ANKRD37: variants seen among roughly 807,000 people sequenced by gnomAD.
The protein encoded by ANKRD37 is ankyrin repeat domain-containing protein 37.
ANKRD37 carries 17 observed loss-of-function variants against 19.7 expected under a neutral mutation model. The ratio of observed to expected loss-of-function variants is 0.86; its 90% CI spans 0.59 to 1.29. The LOEUF (loss-of-function observed/expected upper bound fraction) is 1.29. ANKRD37 is among the 50% of genes most tolerant of loss of function. ANKRD37 has a pLI of 0.00. For synonymous variants in ANKRD37, 79 were observed against 74.5 expected (o/e 1.06, Z -0.31); for missense variants, 207 against 190.4 (o/e 1.09, Z -0.51).
chr4:185,399,966 A>G, intron 4 of ANKRD37, 51 bp from the exon 5 acceptor site: 1 of 1,589,776 alleles, frequency 6.3e-7, no homozygotes, highest in African/African-American at 1.4e-5. Flanking sequence ...GTTTGGGGAT[A>G]AAACTCTTTT....
At position 185,399,054 on chromosome 4, in the gene ANKRD37, A is replaced by AT. The variant is rs542136606; in HGVS notation, c.272+30dup. 260 of 1,594,970 alleles carry AT rather than the reference A, an allele frequency of 1.6e-4. No individual in the cohort carries two copies. The African/African-American group carries it at 3.1e-3, about 19-fold the overall frequency. ...GTGAGTATGAAAACAGTGGCTTCAC[A>AT]TTTTATGTTTTCTTGGATTAAACTA... On this transcript the variant is annotated intron_variant, in intron 3 of 4. Coordinates refer to ENST00000335174, the MANE Select transcript of ANKRD37 (RefSeq NM_181726.4).
In ANKRD37 at chr4:185,397,237, G is replaced by A; in HGVS notation, c.115G>A (p.Ala39Thr). 6.2e-7 allele frequency: 1 copy of A among 1,614,118 alleles called. No individual in the cohort carries two copies. The highest frequency in any genetic ancestry group is 8.5e-7 in the Non-Finnish European group (1 of 1,180,028). Reference protein sequence around the residue: ...PCKQSPVHLAAGSGLACFLLW... With the variant: ...PCKQSPVHLATGSGLACFLLW... Reference sequence around the variant, plus strand: ...CAAGCAGTCGCCTGTCCACTTAGCCGCAGGAAGCGGCCTTGCTTGCTTTCT... The same window carrying A: ...CAAGCAGTCGCCTGTCCACTTAGCCACAGGAAGCGGCCTTGCTTGCTTTCT... The change falls in exon 2 of 5, where the codon GCA becomes ACA. Residue 39 changes from alanine to threonine, a missense_variant. Transcript: ENST00000335174.
chr4:185,396,972 C>T (rs562203200), intron 1 of ANKRD37, 22 bp downstream of exon 1: 5 of 1,613,238 alleles, frequency 3.1e-6, no homozygotes, highest in African/African-American at 2.7e-5. Context: ...GCTCACAGAG[C>T]CCGAGCTTTT....
chr4:185,397,148 A>G lies in ANKRD37; in HGVS notation c.28-2A>G. On this transcript the variant is annotated splice_acceptor_variant, in intron 1 of 4. Transcript: ENST00000335174. LOFTEE classifies it high-confidence loss of function. Reference sequence around the variant, plus strand: ...GGTGCTGGATCTGTTCTCTTCCTGCAGGTGGATGGTCTGAAGCATTTGCTG... The same window carrying G: ...GGTGCTGGATCTGTTCTCTTCCTGCGGGTGGATGGTCTGAAGCATTTGCTG... 6.2e-7 allele frequency: 1 copy of G among 1,613,306 alleles called. No individual in the cohort carries two copies. Among genetic ancestry groups the G allele is most frequent in the Non-Finnish European group, 8.5e-7 (1 of 1,179,956 alleles).
In ANKRD37 at chr4:185,396,963, CTCACAGAGCCCGAGCTTT is replaced by C. The variant is rs2095505099; in HGVS notation, c.27+15_27+32del. On this transcript the variant is annotated intron_variant, in intron 1 of 4. Coordinates refer to ENST00000335174, the MANE Select transcript of ANKRD37 (RefSeq NM_181726.4). The stretch of plus-strand genomic sequence containing the variant: ...TTGCAACCCCGAGGTGAGATTCGGG[CTCACAGAGCCCGAGCTTT>C]TGTCCTGCAGGCTCAAGCTTCTAGA... 1.2e-6 allele frequency: 2 copies of C among 1,613,400 alleles called. No individual in the cohort carries two copies. The highest frequency in any genetic ancestry group is 4.5e-5 in the East Asian group (2 of 44,890).
intron 3 of ANKRD37, 106 bp downstream of exon 3, chr4:185,399,134 T>C: frequency 1.1e-6 from 1 of 951,334 alleles, no homozygotes. Context: ...CTTGCGTAAT[T>C]GATAATTTAG....
In ANKRD37 at chr4:185,399,608, C is replaced by G; in HGVS notation, c.311C>G (p.Ala104Gly). The G allele has an allele frequency of 6.2e-7, 1 of 1,614,212 alleles. No homozygotes were observed. Residue 104 changes from alanine to glycine, a missense_variant, in exon 4 of 5, where the codon GCT becomes GGT. Physicochemically the swap from Ala to Gly is moderately conservative, Grantham distance 60. Coordinates refer to ENST00000335174, the MANE Select transcript of ANKRD37 (RefSeq NM_181726.4). Reference sequence around the variant, plus strand: ...AACGGGCAAACAGCTGAAGATCTCGCTTGGTCATGTGGATTTCCAGACTGT... The same window carrying G: ...AACGGGCAAACAGCTGAAGATCTCGGTTGGTCATGTGGATTTCCAGACTGT... Reference protein sequence around the residue: ...NKNGQTAEDLAWSCGFPDCAK... With the variant: ...NKNGQTAEDLGWSCGFPDCAK...
chr4:185,397,188 G>A lies in ANKRD37; in HGVS notation c.66G>A (p.Ser22=). The A allele has an allele frequency of 6.2e-7, 1 of 1,613,816 alleles. No individual in the cohort carries two copies. The highest frequency in any genetic ancestry group is 2.2e-5 in the East Asian group (1 of 44,876). ...AGCATTTGCTGGAGACAGGGGCCTCGGTCAACGCACCCCCGGATCCCTGCA... is the reference window on the plus strand; with the variant it reads ...AGCATTTGCTGGAGACAGGGGCCTCAGTCAACGCACCCCCGGATCCCTGCA... ...GLKHLLETGA[S]VNAPPDPCKQ... Residue 22 remains serine (S), a synonymous_variant, in exon 2 of 5, where the codon TCG becomes TCA. Coordinates refer to ENST00000335174, the MANE Select transcript of ANKRD37 (RefSeq NM_181726.4).
chr4:185,396,990 A>G, intron 1 of ANKRD37, 40 bp downstream of exon 1: 1 of 1,612,730 alleles, frequency 6.2e-7, no homozygotes, highest in Non-Finnish European at 8.5e-7. Context: ...TTTGTCCTGC[A>G]GGCTCAAGCT....
In ANKRD37 at chr4:185,400,011, A is replaced by G. The variant is rs1561104343; in HGVS notation, c.*-6A>G. 1 of 1,602,220 alleles carries G rather than the reference A, an allele frequency of 6.2e-7. No individual in the cohort carries two copies. Among genetic ancestry groups the G allele is most frequent in the Non-Finnish European group, 8.5e-7 (1 of 1,176,982 alleles). On this transcript the variant is annotated splice_region_variant and splice_polypyrimidine_tract_variant and intron_variant, in intron 4 of 4. Transcript: ENST00000335174. The stretch of plus-strand genomic sequence containing the variant: ...GTTTTTAATGTTAACGTGTTTTTAA[A>G]AACAGATGTCACGTGGGTTATGAAG...
chr4:185,400,248 C>A, downstream of ANKRD37: 2 of 742,892 alleles, frequency 2.7e-6, no homozygotes, highest in Non-Finnish European at 2.2e-6. Context: ...AAAATACATT[C>A]TCCGTGCAGT....
downstream of ANKRD37, chr4:185,400,295 T>C: frequency 9.6e-7 from 1 of 1,044,340 alleles, no homozygotes. Context: ...ATTTAAATCG[T>C]CAAACTAGAA....
At chr4:185,398,146 CAG>C (rs988683888) in intron 2 of ANKRD37, among the ~76,000 whole-genome samples, 19 of 151,980 alleles carry the variant, frequency 1.3e-4, no homozygotes, top group Non-Finnish European at 1.5e-5. Context: ...TTAGTAGAGA[CAG>C]GGTTTCACCA....
rs112644576 is a variant in ANKRD37 at position 185,397,434 on chromosome 4, T to C, written c.180+132T>C. The C allele has an allele frequency of 1.5e-5, 18 of 1,203,250 alleles. No homozygotes were observed. In the Middle Eastern group the frequency reaches 6.1e-4, roughly 41 times the overall value. The allele number at this position is 1,203,250 out of a possible 1,614,324, so 74.5% of individuals were successfully genotyped here. On this transcript the variant is annotated intron_variant, in intron 2 of 4. Transcript: ENST00000335174. Reference sequence around the variant, plus strand: ...GCAGCGATGTCCAACAGAAATATAATGCAAGACACAGATGTAATTTAAGAG... The same window carrying C: ...GCAGCGATGTCCAACAGAAATATAACGCAAGACACAGATGTAATTTAAGAG...
At chr4:185,398,100 G>A (rs6845277) in intron 2 of ANKRD37, among the ~76,000 whole-genome samples, 12,116 of 152,144 alleles carry the variant, frequency 0.08, 811 homozygotes, top group African/African-American at 0.18. Flanking sequence ...TGGGATTACA[G>A]GCACGCGCCA....
In ANKRD37 at chr4:185,399,778, G is replaced by A. The variant is rs577782009; in HGVS notation, c.476+5G>A. ...CAGTGGGAAAAGGAAGTGCTGGTAA[G>A]TAACTCAGAGCTGCTGCTTTTTTCC... On this transcript the variant is annotated splice_donor_5th_base_variant and intron_variant, in intron 4 of 4. Coordinates refer to ENST00000335174, the MANE Select transcript of ANKRD37 (RefSeq NM_181726.4). 9.9e-6 allele frequency: 16 copies of A among 1,613,916 alleles called. 1 individual carries two copies. The South Asian group carries it at 1.8e-4, about 18-fold the overall frequency.
Position 185,399,684 on chromosome 4 carries a change from A to G in ANKRD37, c.387A>G (p.Glu129=), listed in dbSNP as rs775386758. ...IKCMQTIKAS[E]HPDRNDCVAV... is the part of the protein sequence containing the mutation. Reference sequence around the variant, plus strand: ...GTATGCAGACAATAAAAGCAAGTGAACACCCTGACAGGAATGATTGTGTTG... The same window carrying G: ...GTATGCAGACAATAAAAGCAAGTGAGCACCCTGACAGGAATGATTGTGTTG... Residue 129 remains glutamate, a synonymous_variant, in exon 4 of 5, where the codon GAA becomes GAG. Transcript: ENST00000335174. 1 of 1,614,196 alleles carries G rather than the reference A, an allele frequency of 6.2e-7. No individual in the cohort carries two copies. The highest frequency in any genetic ancestry group is 1.1e-5 in the South Asian group (1 of 91,078).
downstream of ANKRD37, chr4:185,400,480 TG>T: frequency 6.2e-7 from 1 of 1,609,840 alleles, no homozygotes. Flanking sequence ...GCACCAGCCC[TG>T]GATAGAGAAG....
chr4:185,400,364 C>T, downstream of ANKRD37: 1 of 1,497,568 alleles, frequency 6.7e-7, no homozygotes, highest in Non-Finnish European at 9.3e-7. Context: ...TAATACCACT[C>T]TACTGCAGTC....
Sources: gnomAD v4.1 joint callset for allele counts (sites outside exome capture counted in the v4.1 genomes callset) on GRCh38, gnomAD v4.1.1 for gene constraint, MANE v1.5 for transcripts, NCBI Gene and HGNC (gene_info 2026-07-23, HGNC 2026-07-21) for gene names.